The following DIPK2B variants were observed in gnomAD, a reference collection of about 807,000 sequenced individuals.
DIPK2B encodes divergent protein kinase domain 2B, also known as UPF0672 protein CXorf36.
DIPK2B carries 15 observed loss-of-function variants against 22.2 expected under a neutral mutation model. That is an observed-to-expected ratio of 0.68 (90% confidence interval 0.45 to 1.04). The LOEUF (loss-of-function observed/expected upper bound fraction) is 1.04, where lower values mean the gene tolerates loss of function less well. Ranked by LOEUF, DIPK2B falls within the 50% of genes least tolerant of loss-of-function variation. DIPK2B has a pLI of 0.00. For synonymous variants in DIPK2B, 163 were observed against 153.2 expected, an observed-to-expected ratio of 1.06 and a Z score of -0.47; for missense variants, 345 against 348.3, an observed-to-expected ratio of 0.99 and a Z score of 0.08.
intron 2 of DIPK2B, 39 bp from the exon 3 acceptor site, chrX:45,157,927 C>G (rs769739911): frequency 1.2e-6 from 1 of 831,505 alleles, no homozygotes; most frequent in Non-Finnish European, 1.5e-6. Flanking sequence ...AAGAAGGGGG[C>G]GGGGCGCTAA....
intron 2 of DIPK2B, among the ~76,000 whole-genome samples, chrX:45,173,220 C>T (rs1018443358): frequency 5.4e-5 from 6 of 112,116 alleles, no homozygotes; most frequent in Non-Finnish European, 9.4e-5. Context: ...GCTTTCTTTG[C>T]ATATCCCTTG....
At chrX:45,160,328 C>T (rs915916326) in intron 2 of DIPK2B, among the ~76,000 whole-genome samples, 1 of 110,641 alleles carries the variant, frequency 9.0e-6, no homozygotes, top group East Asian at 2.8e-4. Context: ...TTGGTTCAGC[C>T]TCCCAAGTAG....
intron 2 of DIPK2B, among the ~76,000 whole-genome samples, chrX:45,181,783 C>T (rs964053329): frequency 1.8e-5 from 2 of 111,672 alleles, no homozygotes; most frequent in African/African-American, 3.3e-5. Context: ...CTTGACCACA[C>T]GATAAACAGA....
intron 1 of DIPK2B, among the ~76,000 whole-genome samples, chrX:45,199,801 C>T (rs890723618): frequency 9.0e-6 from 1 of 111,366 alleles, no homozygotes; most frequent in Non-Finnish European, 1.9e-5. Context: ...TAGTTGCTGT[C>T]ACCCCAGTAC....
chrX:45,191,676 T>G (rs1342234922), intron 2 of DIPK2B, 75 bp downstream of exon 2: 4 of 1,080,717 alleles, frequency 3.7e-6, no homozygotes, highest in Non-Finnish European at 4.9e-6. Context: ...AACTGAGATA[T>G]GAGATGGGAA....
In DIPK2B at chrX:45,193,148, C is replaced by T. The variant is rs1194930822; in HGVS notation, c.234-1133G>A. On this transcript the variant is annotated intron_variant, in intron 1 of 4. Coordinates refer to ENST00000398000, the MANE Select transcript of DIPK2B (RefSeq NM_176819.4). ...TATGTTTTCTCCATAGTCATTTATC[C>T]AGCTGTGTGCTGATATTTCCGTTAG... Among the ~76,000 whole-genome samples, 5 of 112,342 alleles carry T rather than the reference C, an allele frequency of 4.5e-5. No homozygotes were observed. In the Admixed American group the frequency reaches 4.7e-4, roughly 11 times the overall value.
In DIPK2B at chrX:45,148,735, A is replaced by G. The variant is rs2046945469; in HGVS notation, c.*2917T>C. 8.9e-6 allele frequency: 1 copy of G among 112,385 alleles called. No homozygotes were observed. The highest frequency in any genetic ancestry group is 9.5e-5 in the Admixed American group (1 of 10,495). The allele number at this position is 112,385 out of a possible 1,213,427, so 9.3% of individuals were successfully genotyped here. The stretch of plus-strand genomic sequence containing the variant: ...AACATGAGATTTGGAGGGGACAAAC[A>G]TCCAAACCATATCACAGCTTACACT... On this transcript the variant is annotated 3_prime_UTR_variant, in exon 5 of 5. Transcript: ENST00000398000.
chrX:45,194,779 A>G (rs1201622843), intron 1 of DIPK2B, among the ~76,000 whole-genome samples: 4 of 112,393 alleles, frequency 3.6e-5, no homozygotes, highest in Non-Finnish European at 7.5e-5. Flanking sequence ...AAAGCAGAAT[A>G]TATATGTGAC....
intron 1 of DIPK2B, among the ~76,000 whole-genome samples, chrX:45,193,737 A>C (rs1413933627): frequency 8.9e-6 from 1 of 112,549 alleles, no homozygotes; most frequent in Admixed American, 9.4e-5. Context: ...AATGTATTTA[A>C]AAAGATGAAA....
Position 45,151,663 on chromosome X carries a change from C to A in DIPK2B, c.1291G>T (p.Asp431Tyr), listed in dbSNP as rs747175485. The A allele has an allele frequency of 8.3e-7, 1 of 1,209,365 alleles. No individual in the cohort carries two copies. Among genetic ancestry groups the A allele is most frequent in the Non-Finnish European group, 1.1e-6 (1 of 894,593 alleles). Residue 431 changes from aspartate (D) to tyrosine (Y), a missense_variant, in exon 5 of 5, where the codon GAT becomes TAT. Physicochemically the swap from Asp to Tyr is radical, Grantham distance 160 (BLOSUM62 -3). Transcript: ENST00000398000. ...TAGACACCAGCCCTTCAGAACTTAT[C>A]GTTATATTTGCAATCTGGGTAACGA... ...AYRYPDCKYN[D>Y]KF
chrX:45,188,700 A>T (rs1456468835), intron 2 of DIPK2B, among the ~76,000 whole-genome samples: 2 of 111,806 alleles, frequency 1.8e-5, no homozygotes, highest in Admixed American at 9.4e-5. Flanking sequence ...TCATTTCATC[A>T]CTCCAGAAAG....
chrX:45,187,816 C>T (rs1053225596), intron 2 of DIPK2B, among the ~76,000 whole-genome samples: 2 of 111,308 alleles, frequency 1.8e-5, no homozygotes, highest in Non-Finnish European at 3.8e-5. Flanking sequence ...CCTCTCATCT[C>T]TGCCTTGTCA....
intron 2 of DIPK2B, among the ~76,000 whole-genome samples, chrX:45,178,661 G>A (rs183531406): frequency 8.2e-4 from 92 of 111,567 alleles, no homozygotes; most frequent in African/African-American, 2.6e-3. Context: ...CTGGGATTTG[G>A]GAGACATAGT....
chrX:45,165,848 G>T (rs1365203042), intron 2 of DIPK2B, among the ~76,000 whole-genome samples: 2 of 111,709 alleles, frequency 1.8e-5, no homozygotes, highest in African/African-American at 3.3e-5. Flanking sequence ...AAAAGCCTTG[G>T]CCTGGTGAGA....
intron 1 of DIPK2B, among the ~76,000 whole-genome samples, chrX:45,197,480 C>G (rs1234733670): frequency 9.0e-6 from 1 of 111,643 alleles, no homozygotes; most frequent in Non-Finnish European, 1.9e-5. Flanking sequence ...TCGTGATTTG[C>G]CCGCCTCGGC....
chrX:45,180,429 G>T (rs2047143798), intron 2 of DIPK2B, among the ~76,000 whole-genome samples: 1 of 111,482 alleles, frequency 9.0e-6, no homozygotes, highest in Non-Finnish European at 1.9e-5. Context: ...TTTCTCTAAA[G>T]TTTGGAACAA....
chrX:45,181,246 G>A (rs1388647117), intron 2 of DIPK2B, among the ~76,000 whole-genome samples: 1 of 111,764 alleles, frequency 8.9e-6, no homozygotes, highest in Non-Finnish European at 1.9e-5. Flanking sequence ...AGGAAATAAA[G>A]ACCTAGTCCA....
intron 2 of DIPK2B, among the ~76,000 whole-genome samples, chrX:45,186,229 T>C (rs750088742): frequency 1.2e-4 from 13 of 111,780 alleles, no homozygotes; most frequent in African/African-American, 3.6e-4. Context: ...AAGGAGAAAA[T>C]GGGCTGAGAG....
At chrX:45,152,804 G>A (rs1166432579) in intron 4 of DIPK2B, among the ~76,000 whole-genome samples, 1 of 110,387 alleles carries the variant, frequency 9.1e-6, no homozygotes, top group Non-Finnish European at 1.9e-5. Context: ...GGTGACAGTC[G>A]TCTGTAATTC....
Sources: gnomAD v4.1 joint callset for allele counts (sites outside exome capture counted in the v4.1 genomes callset) on GRCh38, gnomAD v4.1.1 for gene constraint, MANE v1.5 for transcripts, NCBI Gene and HGNC (gene_info 2026-07-23, HGNC 2026-07-21) for gene names.